Variants in CFAP221 observed in about 807,000 individuals in gnomAD.
CFAP221 encodes cilia and flagella associated protein 221, also known as cilia- and flagella-associated protein 221.
Under a neutral mutation model 113.1 loss-of-function variants are expected in CFAP221, and 97 were observed. The ratio of observed to expected loss-of-function variants is 0.86; its 90% CI spans 0.73 to 1.02. The LOEUF is 1.02. Among genes scored for constraint, CFAP221 ranks in the 50% least tolerant of loss-of-function variants. CFAP221 has a pLI of 0.00. For missense variants in CFAP221, 1,025 were observed against 1,013.4 expected (o/e 1.01, Z -0.16); for synonymous variants, 331 against 354.4 (o/e 0.93, Z 0.74).
intron 6 of CFAP221, among the ~76,000 whole-genome samples, chr2:119,571,087 A>C (rs953857973): frequency 2.6e-5 from 4 of 151,978 alleles, no homozygotes; most frequent in African/African-American, 9.7e-5. Context: ...AAATACAAAA[A>C]AGTTAGCTAG....
chr2:119,592,478 C>T (rs979979335), intron 7 of CFAP221, among the ~76,000 whole-genome samples: 3 of 152,142 alleles, frequency 2.0e-5, no homozygotes, highest in Non-Finnish European at 4.4e-5. Context: ...TTTGTCGTAC[C>T]CTTCTATGTT....
chr2:119,601,858 GCAGTGA>G (rs1345491538), intron 8 of CFAP221, among the ~76,000 whole-genome samples: 1 of 152,218 alleles, frequency 6.6e-6, no homozygotes, highest in Non-Finnish European at 1.5e-5. Context: ...TTCACATGAG[GCAGTGA>G]CAGAAATGTC....
chr2:119,652,940 A>ATATATT (rs1185920601), intron 23 of CFAP221, among the ~76,000 whole-genome samples: 1 of 148,582 alleles, frequency 6.7e-6, no homozygotes, highest in Non-Finnish European at 1.5e-5. Context: ...AAATATGGAT[A>ATATATT]TATATTTATA....
At chr2:119,632,324 G>C (rs562775812) in intron 19 of CFAP221, among the ~76,000 whole-genome samples, 1 of 151,986 alleles carries the variant, frequency 6.6e-6, no homozygotes, top group Non-Finnish European at 1.5e-5. Context: ...ACCAAATAGG[G>C]GCTTGAACCA....
At chr2:119,580,399 T>C (rs1475058620) in intron 6 of CFAP221, 8 of 152,192 alleles carry the variant, frequency 5.3e-5, no homozygotes. Flanking sequence ...CTATACCCTA[T>C]TGGGGATCTC....
rs1464093428 is a variant in CFAP221 at position 119,562,064 on chromosome 2, A to G, written c.477A>G (p.Ser159=). ...TTCATGCCTATCCAGTCATGAACTCACTAGACTTTCCTTCATTTATAAATC... is the reference window on the plus strand; with the variant it reads ...TTCATGCCTATCCAGTCATGAACTCGCTAGACTTTCCTTCATTTATAAATC... ...VPIHAYPVMN[S]LDFPSFINLS... is the part of the protein sequence containing the mutation. Residue 159 remains serine, a synonymous_variant, in exon 6 of 24, where the codon TCA becomes TCG. Coordinates refer to ENST00000413369, the MANE Select transcript of CFAP221 (RefSeq NM_001271049.2). The G allele has an allele frequency of 3.3e-6, 5 of 1,535,412 alleles. No individual in the cohort carries two copies. The highest frequency in any genetic ancestry group is 4.4e-6 in the Non-Finnish European group (5 of 1,146,618).
intron 19 of CFAP221, among the ~76,000 whole-genome samples, chr2:119,631,872 A>G (rs187475052): frequency 6.6e-6 from 1 of 152,372 alleles, no homozygotes; most frequent in African/African-American, 2.4e-5. Flanking sequence ...AGAAGTTAAT[A>G]TTATGAAAAA....
At chr2:119,650,653 T>G (rs1442248430) in intron 22 of CFAP221, among the ~76,000 whole-genome samples, 1 of 152,262 alleles carries the variant, frequency 6.6e-6, no homozygotes, top group Admixed American at 6.5e-5. Context: ...GGGAGTGCTT[T>G]GCAAACAGTC....
intron 22 of CFAP221, 57 bp downstream of exon 22, chr2:119,647,107 G>T: frequency 7.6e-6 from 10 of 1,322,864 alleles, no homozygotes; most frequent in Non-Finnish European, 1.1e-5. Flanking sequence ...CCAAAAATAT[G>T]TGAGGTGCTG....
intron 13 of CFAP221, among the ~76,000 whole-genome samples, chr2:119,615,044 G>C (rs915265717): frequency 6.6e-6 from 1 of 152,220 alleles, no homozygotes; most frequent in Admixed American, 6.5e-5. Context: ...AAGTAAGACT[G>C]ATTCCCTTCT....
In CFAP221 at chr2:119,640,854, T is replaced by A. The variant is rs533353077; in HGVS notation, c.2225+982T>A. On this transcript the variant is annotated intron_variant, in intron 21 of 23. Coordinates refer to ENST00000413369, the MANE Select transcript of CFAP221 (RefSeq NM_001271049.2). ...GGCTACATGACCTCCAGGAGTCATG[T>A]GACCTCAGCCATGCCCCTTGGCCAA... Among the ~76,000 whole-genome samples the A allele has an allele frequency of 5.6e-4, 86 of 152,368 alleles. 1 individual carries two copies. Among genetic ancestry groups the A allele is most frequent in the Non-Finnish European group, 1.0e-3 (69 of 68,040 alleles).
At chr2:119,622,817 A>G (rs1686023807) in intron 14 of CFAP221, among the ~76,000 whole-genome samples, 1 of 152,100 alleles carries the variant, frequency 6.6e-6, no homozygotes, top group Admixed American at 6.5e-5. Context: ...AAAATTGAAC[A>G]CCCCTTCATG....
chr2:119,602,281 A>G (rs1222233894), intron 8 of CFAP221, among the ~76,000 whole-genome samples: 1 of 152,094 alleles, frequency 6.6e-6, no homozygotes, highest in African/African-American at 2.4e-5. Context: ...GGGAGGCTGA[A>G]GCAGAATCGC....
intron 6 of CFAP221, among the ~76,000 whole-genome samples, chr2:119,575,643 T>C (rs1682394247): frequency 6.6e-6 from 1 of 152,150 alleles, no homozygotes. Context: ...TTTTGCAAGA[T>C]GAAAAAGTTT....
chr2:119,623,215 A>G (rs9805875), intron 14 of CFAP221, among the ~76,000 whole-genome samples: 1 of 152,210 alleles, frequency 6.6e-6, no homozygotes, highest in Non-Finnish European at 1.5e-5. Context: ...ATTCCTATAC[A>G]CCAATAATAG....
chr2:119,636,600 G>A (rs1687128350), intron 19 of CFAP221, among the ~76,000 whole-genome samples: 1 of 152,184 alleles, frequency 6.6e-6, no homozygotes, highest in Non-Finnish European at 1.5e-5. Flanking sequence ...AGAAGTGGAA[G>A]AATAAGCATG....
chr2:119,550,679 G>A (rs775439735), intron 3 of CFAP221, among the ~76,000 whole-genome samples: 49 of 152,090 alleles, frequency 3.2e-4, no homozygotes, highest in Non-Finnish European at 6.2e-4. Context: ...ATATGCCAAA[G>A]GCTAAGATAA....
At position 119,546,246 on chromosome 2, in the gene CFAP221, G is replaced by C. The variant is rs1395572239; in HGVS notation, c.115G>C (p.Val39Leu). ...LVEEPKKRKE[V>L]PNHLLESKVY... The stretch of plus-strand genomic sequence containing the variant: ...GGAGGAGCCGAAAAAAAGAAAAGAA[G>C]TACCTAATCACCTCCTAGAATCAAG... Residue 39 changes from valine to leucine, a missense_variant, in exon 2 of 24, where the codon GTA becomes CTA. Coordinates refer to ENST00000413369, the MANE Select transcript of CFAP221 (RefSeq NM_001271049.2). The C allele has an allele frequency of 6.5e-7, 1 of 1,535,484 alleles. No homozygotes were observed. Among genetic ancestry groups the C allele is most frequent in the East Asian group, 2.4e-5 (1 of 40,884 alleles).
intron 8 of CFAP221, among the ~76,000 whole-genome samples, chr2:119,603,080 T>A (rs1684477977): frequency 6.6e-6 from 1 of 152,218 alleles, no homozygotes; most frequent in Non-Finnish European, 1.5e-5. Context: ...TAGCTGTAGT[T>A]TCTGAACAGG....
Sources: gnomAD v4.1 joint callset for allele counts (sites outside exome capture counted in the v4.1 genomes callset) on GRCh38, gnomAD v4.1.1 for gene constraint, MANE v1.5 for transcripts, NCBI Gene and HGNC (gene_info 2026-07-23, HGNC 2026-07-21) for gene names.